NFXL1: variants seen among roughly 807,000 people sequenced by gnomAD.
NFXL1 encodes NF-X1-type zinc finger protein NFXL1.
NFXL1 carries 66 observed loss-of-function variants against 123.3 expected under a neutral mutation model. That is an observed-to-expected ratio of 0.54 (90% confidence interval 0.44 to 0.66). NFXL1 has a LOEUF of 0.66. Ranked by LOEUF, NFXL1 falls within the 30% of genes least tolerant of loss-of-function variation. The pLI, the probability that NFXL1 is intolerant of heterozygous loss-of-function variation, is 0.00. For synonymous variants in NFXL1, 346 were observed against 360.8 expected (o/e 0.96, Z 0.46); for missense variants, 944 against 1,125.6 (o/e 0.84, Z 2.31).
chr4:47,881,317 T>A (rs1036773152), intron 15 of NFXL1, among the ~76,000 whole-genome samples: 1 of 152,098 alleles, frequency 6.6e-6, no homozygotes, highest in Admixed American at 6.6e-5. Context: ...CCTATAAATA[T>A]GTATAATTAT....
chr4:47,906,804 T>G (rs961414688), intron 3 of NFXL1, among the ~76,000 whole-genome samples: 1 of 152,236 alleles, frequency 6.6e-6, no homozygotes. Flanking sequence ...TATTAAAGTT[T>G]GGCTGCATCA....
rs1457313455 is a variant in NFXL1, at chr4:47,910,965, T to C, written c.265A>G (p.Ile89Val). 1.1e-5 allele frequency: 18 copies of C among 1,602,846 alleles called. No homozygotes were observed. The highest frequency in any genetic ancestry group is 1.4e-5 in the Non-Finnish European group (17 of 1,175,946). ...GCTGCAGCTTGGTTAGCTTTCTTGA[T>C]TTCTTCAAATTTTTTCTGAGACATT... Reference protein sequence around the residue: ...ELMSQKKFEEIKKANQAAARK... With the variant: ...ELMSQKKFEEVKKANQAAARK... The change falls in exon 3 of 23, where the codon ATC (isoleucine) becomes GTC (valine). Residue 89 changes from isoleucine to valine, a missense_variant. Physicochemically the swap from Ile to Val is conservative, Grantham distance 29. Coordinates refer to ENST00000507489, the MANE Select transcript of NFXL1 (RefSeq NM_001278624.2).
At chr4:47,876,356 T>C (rs1447796151) in intron 17 of NFXL1, among the ~76,000 whole-genome samples, 1 of 151,792 alleles carries the variant, frequency 6.6e-6, no homozygotes, top group Non-Finnish European at 1.5e-5. Flanking sequence ...GCCTGACTGA[T>C]AAAGATCACA....
intron 3 of NFXL1, among the ~76,000 whole-genome samples, chr4:47,907,208 T>C (rs548299237): frequency 6.6e-6 from 1 of 152,154 alleles, no homozygotes; most frequent in Non-Finnish European, 1.5e-5. Context: ...TTTTAAAAGC[T>C]GATGTTCATG....
chr4:47,879,676 A>G (rs1735968447), intron 15 of NFXL1, among the ~76,000 whole-genome samples: 1 of 152,208 alleles, frequency 6.6e-6, no homozygotes, highest in South Asian at 2.1e-4. Context: ...AAGAATTACT[A>G]TAAAGCTACA....
At chr4:47,877,578 T>G (rs933852126) in intron 17 of NFXL1, among the ~76,000 whole-genome samples, 16 of 152,104 alleles carry the variant, frequency 1.1e-4, no homozygotes, top group Non-Finnish European at 2.2e-4. Flanking sequence ...ATTTGTTAGT[T>G]TGATTTTATA....
At chr4:47,913,928 G>C in intron 2 of NFXL1, 41 bp downstream of exon 2, 1 of 1,432,588 alleles carries the variant, frequency 7.0e-7, no homozygotes, top group Non-Finnish European at 9.5e-7. Flanking sequence ...AACTGCCTTA[G>C]GAGGCATCCA....
At chr4:47,891,398 C>T (rs1234806150) in intron 11 of NFXL1, among the ~76,000 whole-genome samples, 1 of 152,136 alleles carries the variant, frequency 6.6e-6, no homozygotes, top group African/African-American at 2.4e-5. Context: ...AGACATAAGC[C>T]ACTGCTCCTG....
At chr4:47,896,111 AC>A (rs1223765213) in intron 10 of NFXL1, among the ~76,000 whole-genome samples, 6 of 152,194 alleles carry the variant, frequency 3.9e-5, no homozygotes, top group Non-Finnish European at 8.8e-5. Flanking sequence ...GGTTTGTGGC[AC>A]CCCCAAACAA....
intron 10 of NFXL1, 100 bp downstream of exon 10, chr4:47,896,423 G>A: frequency 1.1e-6 from 1 of 872,180 alleles, no homozygotes; most frequent in South Asian, 1.7e-5. Context: ...TGACACAGAT[G>A]TATATGAAAA....
At position 47,865,954 on chromosome 4, in the gene NFXL1, T is replaced by C. The variant is rs1429826421; in HGVS notation, c.2247-3039A>G. Among the ~76,000 whole-genome samples the C allele has an allele frequency of 7.9e-5, 12 of 152,218 alleles. No individual in the cohort carries two copies. In the East Asian group the frequency reaches 2.3e-3, roughly 29 times the overall value. ...TCACCTGAGCCTGGGAGGTCAAGGC[T>C]GCAGTGAGCCGTGAGTGCGCCACTG... On this transcript the variant is annotated intron_variant, in intron 18 of 22. Transcript: ENST00000507489.
intron 17 of NFXL1, chr4:47,877,208 A>T (rs1238166117): frequency 4.4e-6 from 2 of 456,732 alleles, no homozygotes; most frequent in African/African-American, 4.0e-5. Context: ...AACAAAGAGT[A>T]TACTTAGAAT....
chr4:47,860,177 C>G (rs1415945600), intron 19 of NFXL1, among the ~76,000 whole-genome samples: 1 of 152,012 alleles, frequency 6.6e-6, no homozygotes, highest in Non-Finnish European at 1.5e-5. Context: ...CTTAGTCATT[C>G]CACAATGTAT....
At chr4:47,909,316 A>G (rs944991349) in intron 3 of NFXL1, among the ~76,000 whole-genome samples, 1 of 152,196 alleles carries the variant, frequency 6.6e-6, no homozygotes, top group African/African-American at 2.4e-5. Context: ...TTTTCCCCAT[A>G]AACAGGTACA....
intron 18 of NFXL1, among the ~76,000 whole-genome samples, chr4:47,874,883 A>AT (rs989334535): frequency 2.6e-5 from 4 of 152,096 alleles, no homozygotes; most frequent in Non-Finnish European, 4.4e-5. Context: ...CAGTGAAACC[A>AT]TTTTTTTCAT....
chr4:47,890,721 T>A lies in NFXL1; in HGVS notation c.1453-18A>T. On this transcript the variant is annotated intron_variant, in intron 11 of 22. Coordinates refer to ENST00000507489, the MANE Select transcript of NFXL1 (RefSeq NM_001278624.2). Reference sequence around the variant, plus strand: ...GGGCAACACTGAAGAGAAAGCAATATATAAAGAACAGGTAATTCAAAAACC... The same window carrying A: ...GGGCAACACTGAAGAGAAAGCAATAAATAAAGAACAGGTAATTCAAAAACC... 6.9e-7 allele frequency: 1 copy of A among 1,456,292 alleles called. No homozygotes were observed. The highest frequency in any genetic ancestry group is 9.6e-7 in the Non-Finnish European group (1 of 1,037,758). The allele number at this position is 1,456,292 out of a possible 1,614,324, so 90.2% of individuals were successfully genotyped here.
chr4:47,882,147 T>G (rs1487617500), intron 15 of NFXL1: 4 of 152,318 alleles, frequency 2.6e-5, no homozygotes, highest in African/African-American at 9.6e-5. Flanking sequence ...ATAGGAACTC[T>G]CTATACTTTC....
At position 47,848,253 on chromosome 4, in the gene NFXL1, T is replaced by C. The variant is rs1733923291; in HGVS notation, c.2646A>G (p.Ser882=). 1.9e-6 allele frequency: 3 copies of C among 1,613,094 alleles called. No individual in the cohort carries two copies. The highest frequency in any genetic ancestry group is 1.3e-5 in the African/African-American group (1 of 74,918). The change falls in exon 23 of 23, where the codon TCA becomes TCG. Residue 882 remains serine, a synonymous_variant. Transcript: ENST00000507489. ...GATAATATTTATGTTTTTGCCATAG[T>C]GATAGCTCAACTGCCACTTCATCTC... ...RKRDEVAVEL[S]LWQKHKYYLI...
At chr4:47,902,018 C>T (rs1737374478) in intron 5 of NFXL1, among the ~76,000 whole-genome samples, 1 of 152,064 alleles carries the variant, frequency 6.6e-6, no homozygotes, top group African/African-American at 2.4e-5. Flanking sequence ...CCCATCTCTA[C>T]TAAAAATACA....
Sources: allele counts gnomAD v4.1 joint callset (sites outside exome capture counted in the v4.1 genomes callset), GRCh38; gene constraint gnomAD v4.1.1; transcripts MANE v1.5; gene names NCBI Gene and HGNC (gene_info 2026-07-23, HGNC 2026-07-21).